The following ERBB4 variants were observed in gnomAD, a reference collection of about 807,000 sequenced individuals.
ERBB4 encodes the protein erb-b2 receptor tyrosine kinase 4, also known as receptor tyrosine-protein kinase erbB-4.
In ERBB4, 42 loss-of-function variants were observed where a neutral mutation model predicts 158.0. That is an observed-to-expected ratio of 0.27 (90% CI 0.21 to 0.34). ERBB4 has a LOEUF of 0.34. Ranked by LOEUF, ERBB4 falls within the 10% of genes least tolerant of loss-of-function variation. ERBB4 has a pLI of 1.00. For synonymous variants in ERBB4, 583 were observed against 558.7 expected (o/e 1.04, Z -0.61); for missense variants, 1,333 against 1,624.1 (o/e 0.82, Z 3.08).
At chr2:211,614,221 A>C (rs2069300742) in intron 19 of ERBB4, among the ~76,000 whole-genome samples, 1 of 152,058 alleles carries the variant, frequency 6.6e-6, no homozygotes, top group South Asian at 2.1e-4. Context: ...TAAAAACCAA[A>C]ACAATTGAAC....
intron 2 of ERBB4, among the ~76,000 whole-genome samples, chr2:211,950,521 G>A (rs1339007326): frequency 6.6e-6 from 1 of 152,020 alleles, no homozygotes; most frequent in Non-Finnish European, 1.5e-5. Flanking sequence ...TCTCTAGTTG[G>A]TTTATAATAA....
rs909693870 is a variant in ERBB4, at chr2:211,376,080, T to G, written c.*7535A>C. On this transcript the variant is annotated 3_prime_UTR_variant, in exon 28 of 28. Coordinates refer to ENST00000342788, the MANE Select transcript of ERBB4 (RefSeq NM_005235.3). ...AAAAATATGCCTAACATTAAAAAAG[T>G]TAGTATGTGTTAGGTGCATGATCCT... 8.6e-6 allele frequency: 2 copies of G among 232,906 alleles called. No individual in the cohort carries two copies. The highest frequency in any genetic ancestry group is 4.4e-5 in the African/African-American group (2 of 45,260). 14.4% of individuals were successfully genotyped at this position (232,906 alleles called of 1,614,324 possible). A position where few individuals can be genotyped will look rare whatever the true frequency, so the allele number is the denominator to read the frequency against.
At chr2:212,144,248 C>A (rs896413089) in intron 1 of ERBB4, among the ~76,000 whole-genome samples, 1 of 152,138 alleles carries the variant, frequency 6.6e-6, no homozygotes, top group Admixed American at 6.5e-5. Flanking sequence ...CCCTCTTTGG[C>A]AATTGTGTTA....
At chr2:211,570,905 T>A (rs1306685169) in intron 19 of ERBB4, among the ~76,000 whole-genome samples, 2 of 152,110 alleles carry the variant, frequency 1.3e-5, no homozygotes, top group Non-Finnish European at 2.9e-5. Context: ...AAAGTCAACA[T>A]GTTTCTCATC....
chr2:212,207,299 A>T (rs1396796676), intron 1 of ERBB4, among the ~76,000 whole-genome samples: 5 of 152,212 alleles, frequency 3.3e-5, no homozygotes, highest in African/African-American at 4.8e-5. Flanking sequence ...AAGTGGAGTC[A>T]ATATAAGCAA....
intron 17 of ERBB4, among the ~76,000 whole-genome samples, chr2:211,628,330 C>G (rs533153485): frequency 6.6e-6 from 1 of 152,150 alleles, no homozygotes; most frequent in Non-Finnish European, 1.5e-5. Context: ...TGCCTCACCC[C>G]ACAACAGGCC....
chr2:212,187,899 A>G (rs1324540048), intron 1 of ERBB4, among the ~76,000 whole-genome samples: 1 of 152,180 alleles, frequency 6.6e-6, no homozygotes, highest in Non-Finnish European at 1.5e-5. Flanking sequence ...ATATGGCAAT[A>G]TGTTACCACT....
intron 1 of ERBB4, among the ~76,000 whole-genome samples, chr2:212,191,753 GTGTTATACATGTTA>G (rs2082234598): frequency 7.2e-6 from 1 of 138,328 alleles, no homozygotes; most frequent in East Asian, 2.1e-4. Flanking sequence ...CATATAACAC[GTGTTATACATGTTA>G]TATATAACAC....
chr2:212,304,928 G>A (rs79982743), intron 1 of ERBB4, among the ~76,000 whole-genome samples: 5,798 of 151,242 alleles, frequency 0.038, 310 homozygotes, highest in African/African-American at 0.12. Context: ...ATATATGTGT[G>A]TATGCGTACA....
At chr2:211,809,892 T>C (rs1322579635) in intron 3 of ERBB4, among the ~76,000 whole-genome samples, 1 of 152,208 alleles carries the variant, frequency 6.6e-6, no homozygotes, top group Non-Finnish European at 1.5e-5. Flanking sequence ...ACATTTTGTC[T>C]TTGTTCTGAT....
chr2:212,284,405 AGCATGTT>A (rs1205782075), intron 1 of ERBB4, among the ~76,000 whole-genome samples: 1 of 152,108 alleles, frequency 6.6e-6, no homozygotes, highest in Non-Finnish European at 1.5e-5. Context: ...TTTACATTAC[AGCATGTT>A]GCATTGTCTT....
At chr2:212,499,362 A>T (rs1347102062) in intron 1 of ERBB4, among the ~76,000 whole-genome samples, 1 of 152,110 alleles carries the variant, frequency 6.6e-6, no homozygotes, top group Non-Finnish European at 1.5e-5. Context: ...GTGGTTAGGT[A>T]GTACCAACTT....
chr2:211,633,303 G>GA (rs1292612950), intron 16 of ERBB4, among the ~76,000 whole-genome samples: 1 of 151,894 alleles, frequency 6.6e-6, no homozygotes, highest in Non-Finnish European at 1.5e-5. Context: ...ACCACAAACT[G>GA]AAAAGATTCG....
intron 1 of ERBB4, among the ~76,000 whole-genome samples, chr2:212,319,754 T>C (rs897761908): frequency 9.3e-5 from 14 of 150,444 alleles, no homozygotes; most frequent in Non-Finnish European, 6.0e-5. Flanking sequence ...TTCTAAAGGC[T>C]GATTTCCAAG....
intron 2 of ERBB4, among the ~76,000 whole-genome samples, chr2:212,097,422 A>G (rs1035710064): frequency 6.6e-6 from 1 of 152,170 alleles, no homozygotes; most frequent in Non-Finnish European, 1.5e-5. Context: ...GATTTGACTA[A>G]GGGCCTGGAT....
In ERBB4 at chr2:211,639,446, T is replaced by C. The variant is rs564268231; in HGVS notation, c.1947-8852A>G. ...TTAAGTTTCATAATAGAGCAGAAAG[T>C]ATTACATAAACACTGCTCTGTGAAG... On this transcript the variant is annotated intron_variant, in intron 16 of 27. Coordinates refer to ENST00000342788, the MANE Select transcript of ERBB4 (RefSeq NM_005235.3). 3.9e-5 allele frequency among the ~76,000 whole-genome samples: 6 copies of C among 152,312 alleles called. No individual in the cohort carries two copies. In the South Asian group the frequency reaches 1.2e-3, roughly 32 times the overall value.
At chr2:211,687,427 T>A (rs374817586) in intron 12 of ERBB4, among the ~76,000 whole-genome samples, 35 of 152,024 alleles carry the variant, frequency 2.3e-4, no homozygotes, top group East Asian at 1.3e-3. Flanking sequence ...TGACATCACA[T>A]GGAAGGGAGA....
At chr2:212,245,693 G>A (rs1178778495) in intron 1 of ERBB4, among the ~76,000 whole-genome samples, 1 of 152,068 alleles carries the variant, frequency 6.6e-6, no homozygotes, top group African/African-American at 2.4e-5. Flanking sequence ...GTTTCCAAGA[G>A]TTTAGAAAAC....
chr2:212,092,872 T>C (rs544863422), intron 2 of ERBB4, among the ~76,000 whole-genome samples: 17 of 152,230 alleles, frequency 1.1e-4, no homozygotes, highest in Non-Finnish European at 2.1e-4. Context: ...GATGAGTTGA[T>C]GGGTGCAGCA....
Sources: gnomAD v4.1 joint callset for allele counts (sites outside exome capture counted in the v4.1 genomes callset) on GRCh38, gnomAD v4.1.1 for gene constraint, MANE v1.5 for transcripts, NCBI Gene and HGNC (gene_info 2026-07-23, HGNC 2026-07-21) for gene names.